The following HEATR5B variants were observed in gnomAD, a reference collection of about 807,000 sequenced individuals.
The protein encoded by HEATR5B is HEAT repeat-containing protein 5B.
A neutral mutation model predicts 224.1 loss-of-function variants in HEATR5B; 156 were observed. The ratio of observed to expected loss-of-function variants is 0.70; its 90% CI spans 0.61 to 0.80. The LOEUF (loss-of-function observed/expected upper bound fraction) is 0.80. Among genes scored for constraint, HEATR5B ranks in the 30% least tolerant of loss-of-function variants. The pLI, the probability that HEATR5B is intolerant of heterozygous loss-of-function variation, is 0.00. For missense variants in HEATR5B, 2,323 were observed against 2,535.5 expected (o/e 0.92, Z 1.80); for synonymous variants, 1,027 against 893.0 (o/e 1.15, Z -2.68).
chr2:36,993,785 C>CA (rs2148345635), intron 33 of HEATR5B, among the ~76,000 whole-genome samples: 1 of 151,814 alleles, frequency 6.6e-6, no homozygotes, highest in South Asian at 2.1e-4. Flanking sequence ...ATTACTTATG[C>CA]AGTATTCCTG....
rs1232517884 is a variant in HEATR5B at position 37,083,344 on chromosome 2, A to G, written c.71T>C (p.Val24Ala). Residue 24 changes from valine (V) to alanine (A), a missense_variant, in exon 2 of 36, where the codon GTT (valine) becomes GCT (alanine). Physicochemically the swap from Val to Ala is moderately conservative, Grantham distance 64. Transcript: ENST00000233099. ...AAATCGCAACCATTCAAAGATGAAA[A>G]CTGGTCTTTTTGCTTCGGTGATTTG... ...LAQITEAKRP[V>A]FIFEWLRFLD... 1 of 1,614,074 alleles carries G rather than the reference A, an allele frequency of 6.2e-7. No individual in the cohort carries two copies. The highest frequency in any genetic ancestry group is 1.3e-5 in the African/African-American group (1 of 75,038).
intron 18 of HEATR5B, among the ~76,000 whole-genome samples, chr2:37,042,888 T>C (rs943306463): frequency 1.1e-5 from 1 of 88,322 alleles, no homozygotes; most frequent in African/African-American, 4.3e-5. Context: ...AGACTCTGTC[T>C]CAAAAAAAAA....
At chr2:37,015,895 A>T (rs1206670214) in intron 26 of HEATR5B, among the ~76,000 whole-genome samples, 1 of 152,068 alleles carries the variant, frequency 6.6e-6, no homozygotes, top group African/African-American at 2.4e-5. Context: ...GCTTTAAACA[A>T]AAAAAATAAA....
chr2:37,057,848 C>T (rs1572905850), intron 14 of HEATR5B, among the ~76,000 whole-genome samples: 3 of 152,128 alleles, frequency 2.0e-5, no homozygotes, highest in South Asian at 4.2e-4. Flanking sequence ...GTCTGAAAGA[C>T]ACACACAAAC....
At position 37,019,820 on chromosome 2, in the gene HEATR5B, T is replaced by C; in HGVS notation, c.4093A>G (p.Lys1365Glu). 1 of 1,608,362 alleles carries C rather than the reference T, an allele frequency of 6.2e-7. No homozygotes were observed. Among genetic ancestry groups the C allele is most frequent in the Non-Finnish European group, 8.5e-7 (1 of 1,175,966 alleles). Residue 1365 changes from lysine (K) to glutamate (E), a missense_variant, in exon 26 of 36, where the codon AAA becomes GAA. By Grantham distance (56) the Lys-to-Glu change is moderately conservative (BLOSUM62 1). This residue lies in a region of HEATR5B where 339 missense variants were observed against 378.4 expected (regional missense o/e 0.90). Coordinates refer to ENST00000233099, the MANE Select transcript of HEATR5B (RefSeq NM_019024.3). Reference protein sequence around the residue: ...SQDTPSDIIAKACQVCSTWIG... With the variant: ...SQDTPSDIIAEACQVCSTWIG... Reference sequence around the variant, plus strand: ...ATTTTTCTTCTTACCTGGCAAGCTTTCGCTATTATATCTGATGGTGTATCT... The same window carrying C: ...ATTTTTCTTCTTACCTGGCAAGCTTCCGCTATTATATCTGATGGTGTATCT...
intron 14 of HEATR5B, among the ~76,000 whole-genome samples, chr2:37,057,718 A>G (rs2058771887): frequency 6.6e-6 from 1 of 152,186 alleles, no homozygotes; most frequent in Admixed American, 6.5e-5. Flanking sequence ...AAACTCAAAT[A>G]GAGGAAAGAG....
chr2:36,996,617 G>C (rs1666733594), intron 33 of HEATR5B, among the ~76,000 whole-genome samples: 1 of 151,686 alleles, frequency 6.6e-6, no homozygotes, highest in Non-Finnish European at 1.5e-5. Flanking sequence ...TTGAGACAGA[G>C]TTTTGCTCTT....
At chr2:36,987,797 G>A (rs537397224) in intron 35 of HEATR5B, among the ~76,000 whole-genome samples, 2 of 152,208 alleles carry the variant, frequency 1.3e-5, no homozygotes, top group East Asian at 3.9e-4. Context: ...AAATGGGCAT[G>A]GTAGCTCACA....
Position 37,056,507 on chromosome 2 carries a change from C to A in HEATR5B, c.2332G>T (p.Val778Phe). Residue 778 changes from valine to phenylalanine, a missense_variant, in exon 16 of 36, where the codon GTC (valine) becomes TTC (phenylalanine). Val to Phe is a conservative substitution (Grantham distance 50, BLOSUM62 -1). Around this residue, in one of 12 missense-constraint regions of HEATR5B, gnomAD observed 170 missense variants for 216.7 expected, o/e 0.78. Transcript: ENST00000233099. Reference protein sequence around the residue: ...EAVPGPLPLGVSVIDASVALF... With the variant: ...EAVPGPLPLGFSVIDASVALF... ...GCCACAGAAGCATCAATGACTGAGA[C>A]TCCGAGAGGGAGGGGACCAGGTACT... 6.2e-7 allele frequency: 1 copy of A among 1,613,396 alleles called. No homozygotes were observed. Among genetic ancestry groups the A allele is most frequent in the Non-Finnish European group, 8.5e-7 (1 of 1,179,626 alleles).
chr2:37,029,088 A>C (rs2148463469), intron 22 of HEATR5B, among the ~76,000 whole-genome samples, 168 bp from the exon 23 acceptor site: 1 of 152,334 alleles, frequency 6.6e-6, no homozygotes, highest in South Asian at 2.1e-4. Flanking sequence ...TGGGATTATA[A>C]TTTAATCTGG....
chr2:37,012,674 G>A (rs935332658), intron 27 of HEATR5B, among the ~76,000 whole-genome samples: 1 of 152,190 alleles, frequency 6.6e-6, no homozygotes, highest in African/African-American at 2.4e-5. Flanking sequence ...ACAGGTGTGA[G>A]CCACCACGCC....
intron 24 of HEATR5B, among the ~76,000 whole-genome samples, 175 bp downstream of exon 24, chr2:37,027,748 A>G (rs181797556): frequency 6.6e-5 from 10 of 152,346 alleles, no homozygotes; most frequent in African/African-American, 2.4e-4. Flanking sequence ...AGGAATCAGA[A>G]GATGACTAGT....
intron 35 of HEATR5B, among the ~76,000 whole-genome samples, chr2:36,983,396 G>A (rs969820349): frequency 1.9e-4 from 29 of 151,832 alleles, no homozygotes; most frequent in African/African-American, 5.8e-4. Context: ...AAAATTAGCC[G>A]GGCATGGTGG....
At position 37,027,935 on chromosome 2, in the gene HEATR5B, G is replaced by C. The variant is rs1482176852; in HGVS notation, c.3841C>G (p.Arg1281Gly). 17 of 1,613,320 alleles carry C rather than the reference G, an allele frequency of 1.1e-5. No individual in the cohort carries two copies. The highest frequency in any genetic ancestry group is 1.4e-5 in the Non-Finnish European group (17 of 1,179,452). The change falls in exon 24 of 36, where the codon CGA (arginine) becomes GGA (glycine). Residue 1281 changes from arginine to glycine, a missense_variant. Coordinates refer to ENST00000233099, the MANE Select transcript of HEATR5B (RefSeq NM_019024.3). ...ATTTTAAATTTACTTGTAGGGTTTC[G>C]AAGTTTAGCAGAACGTGCCAAGGCA... ...DLALARSAKLRNPTNDLLVLH... is the reference protein window; with the variant it reads ...DLALARSAKLGNPTNDLLVLH...
chr2:37,037,638 A>G (rs1669582324), intron 21 of HEATR5B, among the ~76,000 whole-genome samples: 1 of 152,226 alleles, frequency 6.6e-6, no homozygotes, highest in Admixed American at 6.5e-5. Context: ...ACATTTTAAA[A>G]TAACTATGGA....
intron 23 of HEATR5B, 108 bp downstream of exon 23, chr2:37,028,573 A>T: frequency 1.2e-6 from 1 of 812,274 alleles, no homozygotes; most frequent in Non-Finnish European, 1.8e-6. Flanking sequence ...TATTACTTTT[A>T]AATAAAACCT....
At chr2:37,002,685 G>C in intron 31 of HEATR5B, 113 bp from the exon 32 acceptor site, 1 of 1,021,352 alleles carries the variant, frequency 9.8e-7, no homozygotes, top group Non-Finnish European at 1.4e-6. Context: ...GTCAAATAAT[G>C]TCACACGTCC....
At chr2:37,040,930 T>C (rs1669833409) in intron 19 of HEATR5B, 3 of 510,582 alleles carry the variant, frequency 5.9e-6, no homozygotes, top group South Asian at 3.6e-5. Flanking sequence ...TTTGAAGGAA[T>C]GTATGTGAAT....
intron 26 of HEATR5B, among the ~76,000 whole-genome samples, chr2:37,014,329 T>G (rs573212955): frequency 4.6e-5 from 7 of 151,858 alleles, no homozygotes; most frequent in Non-Finnish European, 1.0e-4. Flanking sequence ...ACTTGGCTAA[T>G]TTTTTTGTAT....
Sources: gnomAD v4.1 joint callset for allele counts (sites outside exome capture counted in the v4.1 genomes callset) on GRCh38, gnomAD v4.1.1 for gene constraint, gnomAD v4.1.1 regional missense constraint, MANE v1.5 for transcripts, NCBI Gene and HGNC (gene_info 2026-07-23, HGNC 2026-07-21) for gene names.